The following ASZ1 variants were observed in gnomAD, a reference collection of about 807,000 sequenced individuals.
ASZ1 encodes ankyrin repeat, SAM and basic leucine zipper domain-containing protein 1.
In ASZ1, 67 loss-of-function variants were observed where a neutral mutation model predicts 61.8. The ratio of observed to expected loss-of-function variants is 1.08; its 90% CI spans 0.89 to 1.33. The LOEUF (loss-of-function observed/expected upper bound fraction) is 1.33, where lower values mean the gene tolerates loss of function less well. Among genes scored for constraint, ASZ1 ranks in the 40% most tolerant of loss-of-function variants. ASZ1 has a pLI of 0.00. For synonymous variants in ASZ1, 193 were observed against 192.7 expected (o/e 1.00, Z -0.01); for missense variants, 577 against 554.5 (o/e 1.04, Z -0.41).
intron 2 of ASZ1, among the ~76,000 whole-genome samples, chr7:117,425,278 T>C (rs536500787): frequency 6.9e-6 from 1 of 144,214 alleles, no homozygotes; most frequent in South Asian, 2.3e-4. Context: ...TTTTTTTTTT[T>C]TTTTTGAGAC....
chr7:117,398,639 C>T (rs1366462770), intron 4 of ASZ1, among the ~76,000 whole-genome samples: 1 of 152,170 alleles, frequency 6.6e-6, no homozygotes, highest in African/African-American at 2.4e-5. Flanking sequence ...ATAACCTTTA[C>T]AAAATACTAG....
Position 117,363,563 on chromosome 7 carries a change from A to ATG in ASZ1, c.*31_*32dup. The stretch of plus-strand genomic sequence containing the variant: ...AATGATTTTTGGATGGTTCAATAAG[A>ATG]TGTGTATATATAACTTAAAACAAAT... On this transcript the variant is annotated 3_prime_UTR_variant, in exon 13 of 13. Transcript: ENST00000284629. 1 of 1,512,912 alleles carries ATG rather than the reference A, an allele frequency of 6.6e-7. No individual in the cohort carries two copies. The allele number at this position is 1,512,912 out of a possible 1,614,324, so 93.7% of individuals were successfully genotyped here. A position where few individuals can be genotyped will look rare whatever the true frequency, so the allele number is the denominator to read the frequency against.
intron 7 of ASZ1, among the ~76,000 whole-genome samples, chr7:117,382,720 A>G (rs946991292): frequency 6.6e-6 from 1 of 152,144 alleles, no homozygotes; most frequent in Admixed American, 6.6e-5. Flanking sequence ...GAACACTAAT[A>G]TAATTTCAGA....
chr7:117,384,062 T>C (rs2116472108), intron 6 of ASZ1, among the ~76,000 whole-genome samples: 1 of 152,244 alleles, frequency 6.6e-6, no homozygotes, highest in East Asian at 1.9e-4. Context: ...ATTCGGGAAC[T>C]CAGTGTTACA....
intron 4 of ASZ1, among the ~76,000 whole-genome samples, chr7:117,408,492 T>C (rs1194377382): frequency 6.6e-6 from 1 of 152,144 alleles, no homozygotes; most frequent in Non-Finnish European, 1.5e-5. Context: ...AATCACATTA[T>C]TTTATAGTGC....
intron 5 of ASZ1, 124 bp from the exon 6 acceptor site, chr7:117,384,984 G>T: frequency 2.4e-6 from 2 of 847,282 alleles, no homozygotes; most frequent in Non-Finnish European, 1.7e-6. Flanking sequence ...ATGGAATGAT[G>T]CAATCTCTTC....
At position 117,394,019 on chromosome 7, in the gene ASZ1, C is replaced by A. The variant is rs551443536; in HGVS notation, c.441-8210G>T. On this transcript the variant is annotated intron_variant, in intron 4 of 12. Coordinates refer to ENST00000284629, the MANE Select transcript of ASZ1 (RefSeq NM_130768.3). ...AAAAGAGATGTTTACTTTTATGTTG[C>A]TTCATTCTCTCCTCAGCTACTAGAA... Among the ~76,000 whole-genome samples the A allele has an allele frequency of 9.9e-5, 15 of 152,108 alleles. No homozygotes were observed. In the South Asian group the frequency reaches 3.1e-3, roughly 32 times the overall value.
intron 2 of ASZ1, among the ~76,000 whole-genome samples, chr7:117,424,263 T>A (rs1466303934): frequency 6.6e-6 from 1 of 152,192 alleles, no homozygotes; most frequent in Non-Finnish European, 1.5e-5. Context: ...TGACTCAAAA[T>A]GTGCTTTTAT....
intron 2 of ASZ1, among the ~76,000 whole-genome samples, chr7:117,423,660 A>G (rs1349973730): frequency 6.7e-6 from 1 of 148,890 alleles, no homozygotes; most frequent in Non-Finnish European, 1.5e-5. Context: ...CTTGGCTAGC[A>G]CAGTGAAACC....
intron 6 of ASZ1, among the ~76,000 whole-genome samples, chr7:117,384,306 T>C (rs1796308118): frequency 1.3e-5 from 2 of 152,258 alleles, no homozygotes; most frequent in South Asian, 4.1e-4. Flanking sequence ...GCAAATGTTG[T>C]TTAAGGAATT....
intron 4 of ASZ1, among the ~76,000 whole-genome samples, chr7:117,386,379 C>T (rs988099020): frequency 2.0e-5 from 3 of 152,088 alleles, no homozygotes; most frequent in Non-Finnish European, 4.4e-5. Flanking sequence ...ATAGATTAAC[C>T]AGCTTAATAT....
intron 3 of ASZ1, 50 bp downstream of exon 3, chr7:117,422,187 C>T: frequency 6.4e-7 from 1 of 1,573,008 alleles, no homozygotes; most frequent in South Asian, 1.2e-5. Flanking sequence ...TACTTGGAAA[C>T]CAAGGAATCA....
intron 10 of ASZ1, among the ~76,000 whole-genome samples, chr7:117,374,147 T>C (rs560245660): frequency 3.3e-5 from 5 of 152,202 alleles, no homozygotes; most frequent in African/African-American, 1.2e-4. Flanking sequence ...ATTTAAGCTA[T>C]CTAATAAAGA....
rs537698945 is a variant in ASZ1, at chr7:117,368,717, A to G, written c.1056T>C (p.Ser352=). Residue 352 remains serine (S), a splice_region_variant and synonymous_variant, in exon 11 of 13, where the codon AGT becomes AGC. Coordinates refer to ENST00000284629, the MANE Select transcript of ASZ1 (RefSeq NM_130768.3). ...GAAGAAAGTTGAGGAACTCATCACC[A>G]CTAAAGAAAGGAAACAAACAAACAA... ...ELSEETKLEI[S]GDEFLNFLLK... is the part of the protein sequence containing the mutation. 6.2e-7 allele frequency: 1 copy of G among 1,610,964 alleles called. No homozygotes were observed. The highest frequency in any genetic ancestry group is 1.7e-5 in the Admixed American group (1 of 59,562).
chr7:117,401,570 CAT>C (rs1002468155), intron 4 of ASZ1, among the ~76,000 whole-genome samples: 2 of 152,066 alleles, frequency 1.3e-5, no homozygotes, highest in Non-Finnish European at 2.9e-5. Context: ...ACAAATGAGA[CAT>C]AGAGTTTACT....
At chr7:117,414,074 T>C (rs1357608584) in intron 4 of ASZ1, among the ~76,000 whole-genome samples, 2 of 152,048 alleles carry the variant, frequency 1.3e-5, no homozygotes, top group African/African-American at 4.8e-5. Flanking sequence ...AAATGAAAGA[T>C]ATTGAGGATA....
intron 4 of ASZ1, among the ~76,000 whole-genome samples, chr7:117,403,557 C>T (rs1445284939): frequency 6.6e-6 from 1 of 152,128 alleles, no homozygotes; most frequent in African/African-American, 2.4e-5. Context: ...AATACTCGTT[C>T]CCAAGATGTA....
At chr7:117,396,222 C>G (rs564922938) in intron 4 of ASZ1, among the ~76,000 whole-genome samples, 1 of 152,292 alleles carries the variant, frequency 6.6e-6, no homozygotes, top group African/African-American at 2.4e-5. Flanking sequence ...GTACCATGCA[C>G]AAAGTAAATT....
intron 10 of ASZ1, among the ~76,000 whole-genome samples, chr7:117,376,709 T>C (rs1282425274): frequency 1.3e-5 from 2 of 152,084 alleles, no homozygotes; most frequent in Non-Finnish European, 2.9e-5. Flanking sequence ...TCAGTTGGGA[T>C]AGAAAAAGCA....
Sources: gnomAD v4.1 joint callset for allele counts (sites outside exome capture counted in the v4.1 genomes callset) on GRCh38, gnomAD v4.1.1 for gene constraint, MANE v1.5 for transcripts, NCBI Gene and HGNC (gene_info 2026-07-23, HGNC 2026-07-21) for gene names.